The following DSCAM variants were observed in gnomAD, a reference collection of about 807,000 sequenced individuals.
The protein encoded by DSCAM is cell adhesion molecule DSCAM.
A neutral mutation model predicts 217.7 loss-of-function variants in DSCAM; 47 were observed. That is an observed-to-expected ratio of 0.22 (90% CI 0.17 to 0.28). The LOEUF (loss-of-function observed/expected upper bound fraction) is 0.28. Among genes scored for constraint, DSCAM ranks in the 10% least tolerant of loss-of-function variants. The pLI is 1.00. For missense variants in DSCAM, 2,080 were observed against 2,618.3 expected, an observed-to-expected ratio of 0.79 and a Z score of 4.49; for synonymous variants, 1,056 against 1,015.3, an observed-to-expected ratio of 1.04 and a Z score of -0.76.
In DSCAM at chr21:40,245,986, C is replaced by A. The variant is rs1373673045; in HGVS notation, c.2356+30111G>T. On this transcript the variant is annotated intron_variant, in intron 11 of 32. Transcript: ENST00000400454. ...GGACAGTCACTTTTAAACTACCCAT[C>A]AGATTTTTGTTCTCTGTATCTGCTT... 5.3e-5 allele frequency among the ~76,000 whole-genome samples: 8 copies of A among 152,036 alleles called. 1 individual carries two copies. Among genetic ancestry groups the A allele is most frequent in the African/African-American group, 1.9e-4 (8 of 41,410 alleles).
chr21:40,723,090 CTTT>C (rs3071003), intron 1 of DSCAM, among the ~76,000 whole-genome samples: 2 of 139,554 alleles, frequency 1.4e-5, no homozygotes, highest in Non-Finnish European at 1.6e-5. Context: ...CTCTCTCGCT[CTTT>C]TTTTTTTTTT....
chr21:40,027,388 G>T (rs2146438203), intron 32 of DSCAM, among the ~76,000 whole-genome samples: 1 of 152,226 alleles, frequency 6.6e-6, no homozygotes, highest in East Asian at 1.9e-4. Context: ...TATCTTTGTG[G>T]CATTCTCTGT....
intron 24 of DSCAM, 73 bp downstream of exon 24, chr21:40,083,835 T>C: frequency 8.1e-7 from 1 of 1,238,852 alleles, no homozygotes; most frequent in South Asian, 1.4e-5. Context: ...AGTCATTTGC[T>C]GAAGATGTGT....
At chr21:40,832,382 T>A (rs985402707) in intron 1 of DSCAM, among the ~76,000 whole-genome samples, 3 of 152,324 alleles carry the variant, frequency 2.0e-5, no homozygotes, top group African/African-American at 7.2e-5. Context: ...ACCCTCATTC[T>A]TTTTTAGGGA....
chr21:40,763,269 A>G (rs1029334745), intron 1 of DSCAM, among the ~76,000 whole-genome samples: 2 of 152,226 alleles, frequency 1.3e-5, no homozygotes, highest in African/African-American at 4.8e-5. Flanking sequence ...ATCAATGTGT[A>G]AAAATCACAA....
At chr21:40,317,520 T>C (rs1008462564) in intron 8 of DSCAM, among the ~76,000 whole-genome samples, 1 of 152,112 alleles carries the variant, frequency 6.6e-6, no homozygotes, top group Non-Finnish European at 1.5e-5. Context: ...CTGTTCTTTT[T>C]TTTTCTTTTC....
intron 1 of DSCAM, among the ~76,000 whole-genome samples, chr21:40,775,459 T>G (rs903602642): frequency 6.6e-6 from 1 of 152,106 alleles, no homozygotes; most frequent in Non-Finnish European, 1.5e-5. Context: ...GTGAGGAAGA[T>G]TTGCCTTCCA....
intron 7 of DSCAM, among the ~76,000 whole-genome samples, chr21:40,338,663 A>G (rs1229706045): frequency 6.6e-6 from 1 of 152,374 alleles, no homozygotes; most frequent in East Asian, 1.9e-4. Context: ...GAAAGTAACT[A>G]GTCTATACTG....
intron 1 of DSCAM, among the ~76,000 whole-genome samples, chr21:40,820,917 G>T (rs927671301): frequency 6.6e-6 from 1 of 151,638 alleles, no homozygotes; most frequent in Non-Finnish European, 1.5e-5. Context: ...TTAGTAAATT[G>T]CCTTAAAATA....
intron 28 of DSCAM, among the ~76,000 whole-genome samples, chr21:40,062,022 C>T (rs148926551): frequency 7.4e-4 from 112 of 152,268 alleles, no homozygotes; most frequent in South Asian, 3.9e-3. Flanking sequence ...TGAGGTAACA[C>T]ATCAGGCAAT....
At chr21:40,260,106 T>A (rs1601493457) in intron 11 of DSCAM, among the ~76,000 whole-genome samples, 2 of 152,296 alleles carry the variant, frequency 1.3e-5, no homozygotes, top group East Asian at 3.9e-4. Context: ...ATGATTAAAG[T>A]CACAGTTCCA....
intron 3 of DSCAM, among the ~76,000 whole-genome samples, chr21:40,539,143 G>A (rs1372460574): frequency 2.0e-5 from 3 of 152,128 alleles, no homozygotes; most frequent in Non-Finnish European, 1.5e-5. Flanking sequence ...TGGGGAGGCC[G>A]AGAGGGCCCA....
At chr21:40,481,607 C>T (rs929553699) in intron 3 of DSCAM, among the ~76,000 whole-genome samples, 4 of 150,370 alleles carry the variant, frequency 2.7e-5, no homozygotes, top group African/African-American at 9.8e-5. Flanking sequence ...GACTCAAATA[C>T]CCAGCATTTT....
chr21:40,558,873 A>C (rs1324834539), intron 3 of DSCAM, among the ~76,000 whole-genome samples: 1 of 152,192 alleles, frequency 6.6e-6, no homozygotes, highest in East Asian at 1.9e-4. Flanking sequence ...TTCACTACGT[A>C]TGCCAGGATG....
chr21:40,686,747 T>C (rs1252708113), intron 3 of DSCAM, among the ~76,000 whole-genome samples: 2 of 152,120 alleles, frequency 1.3e-5, no homozygotes, highest in African/African-American at 4.8e-5. Context: ...GGCAGCTGTT[T>C]GGAGACTCAG....
At chr21:40,339,908 T>C (rs566412257) in intron 6 of DSCAM, among the ~76,000 whole-genome samples, 1 of 81,766 alleles carries the variant, frequency 1.2e-5, no homozygotes, top group African/African-American at 3.6e-5. Context: ...ACTAGGGAAT[T>C]CTTTACAGGA....
chr21:40,586,802 T>A (rs950044111), intron 3 of DSCAM, among the ~76,000 whole-genome samples: 1 of 152,200 alleles, frequency 6.6e-6, no homozygotes, highest in Non-Finnish European at 1.5e-5. Context: ...CCTCAGTTTG[T>A]TTCTAAAGCA....
At chr21:40,418,838 T>C (rs751659263) in intron 3 of DSCAM, among the ~76,000 whole-genome samples, 32 of 152,144 alleles carry the variant, frequency 2.1e-4, no homozygotes, top group South Asian at 1.0e-3. Context: ...TATAAATGTT[T>C]CACAAAAATT....
At chr21:40,198,498 G>A (rs73904739) in intron 11 of DSCAM, among the ~76,000 whole-genome samples, 1 of 152,116 alleles carries the variant, frequency 6.6e-6, no homozygotes, top group Admixed American at 6.5e-5. Context: ...CAGTCGAATA[G>A]GTGACCTTCA....
Sources: gnomAD v4.1 joint callset for allele counts (sites outside exome capture counted in the v4.1 genomes callset) on GRCh38, gnomAD v4.1.1 for gene constraint, MANE v1.5 for transcripts, NCBI Gene and HGNC (gene_info 2026-07-23, HGNC 2026-07-21) for gene names.